Variants in NKAIN2 observed in about 807,000 individuals in gnomAD.
The protein encoded by NKAIN2 is sodium/potassium-transporting ATPase subunit beta-1-interacting protein 2.
In NKAIN2, 14 loss-of-function variants were observed where a neutral mutation model predicts 32.6. That is an observed-to-expected ratio of 0.43 (90% CI 0.28 to 0.67). The LOEUF is 0.67. Among genes scored for constraint, NKAIN2 ranks in the 30% least tolerant of loss-of-function variants. The pLI, the probability that NKAIN2 is intolerant of heterozygous loss-of-function variation, is 0.17. For missense variants in NKAIN2, 198 were observed against 258.3 expected, an observed-to-expected ratio of 0.77 and a Z score of 1.60; for synonymous variants, 80 against 87.2, an observed-to-expected ratio of 0.92 and a Z score of 0.46.
chr6:124,637,478 T>C (rs1409854573), intron 3 of NKAIN2, among the ~76,000 whole-genome samples: 3 of 152,068 alleles, frequency 2.0e-5, no homozygotes, highest in African/African-American at 7.2e-5. Flanking sequence ...TTTTGTGTTA[T>C]TTTTTATTTA....
chr6:124,610,094 T>G (rs1782637567), intron 3 of NKAIN2, among the ~76,000 whole-genome samples: 1 of 152,186 alleles, frequency 6.6e-6, no homozygotes, highest in Admixed American at 6.6e-5. Context: ...AGAAGTGTCA[T>G]GGCACCTTCA....
chr6:124,456,870 T>C (rs561919306), intron 3 of NKAIN2, among the ~76,000 whole-genome samples: 3 of 152,078 alleles, frequency 2.0e-5, no homozygotes, highest in South Asian at 2.1e-4. Flanking sequence ...AAATGTCTGC[T>C]GTATTTTCAT....
intron 4 of NKAIN2, among the ~76,000 whole-genome samples, chr6:124,779,368 G>A (rs1216272200): frequency 6.8e-6 from 1 of 147,588 alleles, no homozygotes; most frequent in Admixed American, 6.8e-5. Flanking sequence ...AGGAAGGAAG[G>A]AAGGAAGGAA....
chr6:124,486,188 T>C (rs1777641930), intron 3 of NKAIN2, among the ~76,000 whole-genome samples: 1 of 152,206 alleles, frequency 6.6e-6, no homozygotes, highest in African/African-American at 2.4e-5. Flanking sequence ...TGCTGTGTTT[T>C]TTCTAAAACT....
At chr6:124,341,085 C>A (rs921348893) in intron 2 of NKAIN2, among the ~76,000 whole-genome samples, 1 of 152,060 alleles carries the variant, frequency 6.6e-6, no homozygotes, top group African/African-American at 2.4e-5. Flanking sequence ...GATAGTCTGT[C>A]TTAAGAATAG....
At chr6:124,507,688 T>G (rs1013938786) in intron 3 of NKAIN2, among the ~76,000 whole-genome samples, 1 of 152,162 alleles carries the variant, frequency 6.6e-6, no homozygotes, top group East Asian at 1.9e-4. Flanking sequence ...ATACTCAAAA[T>G]ACTACATTTT....
At chr6:124,184,106 CA>C (rs1269014360) in intron 1 of NKAIN2, among the ~76,000 whole-genome samples, 1 of 152,054 alleles carries the variant, frequency 6.6e-6, no homozygotes, top group African/African-American at 2.4e-5. Context: ...TCAAATTATG[CA>C]AAGAAGACAC....
At chr6:124,565,760 C>G (rs181834967) in intron 3 of NKAIN2, among the ~76,000 whole-genome samples, 4 of 152,140 alleles carry the variant, frequency 2.6e-5, no homozygotes, top group Non-Finnish European at 4.4e-5. Flanking sequence ...CTAATAATGG[C>G]TGGATGCAGG....
intron 3 of NKAIN2, among the ~76,000 whole-genome samples, chr6:124,552,389 C>A (rs981403249): frequency 6.6e-6 from 1 of 152,148 alleles, no homozygotes; most frequent in African/African-American, 2.4e-5. Flanking sequence ...TCTCTGGCAT[C>A]CAAAGTGAGT....
rs767820325 is a variant in NKAIN2 at position 124,823,257 on chromosome 6, T to C, written c.*28T>C. The C allele has an allele frequency of 4.3e-5, 68 of 1,567,530 alleles. No homozygotes were observed. Among genetic ancestry groups the C allele is most frequent in the Admixed American group, 6.7e-5 (4 of 59,916 alleles). ...CAGATGACTTCAGTATGTCAGCCCATGGACCTTTCAAAGAACTTTTTTCGC... is the reference window on the plus strand; with the variant it reads ...CAGATGACTTCAGTATGTCAGCCCACGGACCTTTCAAAGAACTTTTTTCGC... On this transcript the variant is annotated 3_prime_UTR_variant, in exon 7 of 7. Coordinates refer to ENST00000368417, the MANE Select transcript of NKAIN2 (RefSeq NM_001040214.3).
chr6:124,641,645 G>GA (rs1430852041), intron 3 of NKAIN2, among the ~76,000 whole-genome samples: 2 of 139,814 alleles, frequency 1.4e-5, no homozygotes, highest in African/African-American at 5.3e-5. Context: ...TCCGCCTCCT[G>GA]GGCTAAAGCG....
intron 3 of NKAIN2, among the ~76,000 whole-genome samples, chr6:124,369,880 A>T (rs1335839672): frequency 1.2e-5 from 1 of 82,384 alleles, no homozygotes; most frequent in Non-Finnish European, 2.1e-5. Flanking sequence ...CAGAATGTCA[A>T]TTTTTTTTTT....
intron 1 of NKAIN2, among the ~76,000 whole-genome samples, chr6:124,070,605 G>T (rs1413734652): frequency 6.6e-6 from 1 of 152,036 alleles, no homozygotes; most frequent in African/African-American, 2.4e-5. Context: ...CATATTCCTG[G>T]GGTTTGATTT....
chr6:124,385,138 G>T (rs1275521518), intron 3 of NKAIN2, among the ~76,000 whole-genome samples: 2 of 152,084 alleles, frequency 1.3e-5, no homozygotes, highest in Non-Finnish European at 2.9e-5. Context: ...GTTAAGTCAC[G>T]TGTCACAAAT....
intron 3 of NKAIN2, among the ~76,000 whole-genome samples, chr6:124,555,429 T>C (rs1415185489): frequency 6.6e-6 from 1 of 152,182 alleles, no homozygotes; most frequent in Non-Finnish European, 1.5e-5. Flanking sequence ...ACATTCCCTC[T>C]AACTATAGCA....
chr6:124,741,809 T>C (rs1777224478), intron 4 of NKAIN2, among the ~76,000 whole-genome samples: 1 of 151,904 alleles, frequency 6.6e-6, no homozygotes, highest in Non-Finnish European at 1.5e-5. Context: ...TGGGTTTCAA[T>C]GTGTAAGCCA....
chr6:123,826,546 C>T (rs1774155951), intron 1 of NKAIN2, among the ~76,000 whole-genome samples: 2 of 152,118 alleles, frequency 1.3e-5, no homozygotes, highest in South Asian at 4.1e-4. Flanking sequence ...CCTGGCACTA[C>T]CCTTCTGCTT....
intron 1 of NKAIN2, among the ~76,000 whole-genome samples, chr6:124,178,320 C>CA (rs1233841318): frequency 5.5e-4 from 79 of 143,422 alleles, no homozygotes; most frequent in African/African-American, 2.0e-3. Context: ...TTTTTTGAGA[C>CA]AGAGTCTCGC....
chr6:124,742,911 CA>C (rs1777287000), intron 4 of NKAIN2, among the ~76,000 whole-genome samples: 2 of 151,884 alleles, frequency 1.3e-5, no homozygotes, highest in South Asian at 4.1e-4. Flanking sequence ...ATAATAAGAT[CA>C]AAACATTAAA....
Sources: gnomAD v4.1 joint callset for allele counts (sites outside exome capture counted in the v4.1 genomes callset) on GRCh38, gnomAD v4.1.1 for gene constraint, MANE v1.5 for transcripts, NCBI Gene and HGNC (gene_info 2026-07-23, HGNC 2026-07-21) for gene names.